The following ABCC5 variants were observed in gnomAD, a reference collection of about 807,000 sequenced individuals.
ABCC5 encodes the protein ATP binding cassette subfamily C member 5.
Under a neutral mutation model 160.9 loss-of-function variants are expected in ABCC5, and 61 were observed. The observed-to-expected ratio is 0.38, with a 90% CI of 0.31 to 0.47. The LOEUF is 0.47. Ranked by LOEUF, ABCC5 falls within the 20% of genes least tolerant of loss-of-function variation. ABCC5 has a pLI of 0.99. For synonymous variants in ABCC5, 666 were observed against 700.6 expected (o/e 0.95, Z 0.78); for missense variants, 1,308 against 1,813.3 (o/e 0.72, Z 5.06).
intron 2 of ABCC5, chr3:184,001,300 T>C (rs1026790048): frequency 1.1e-5 from 5 of 471,450 alleles, no homozygotes; most frequent in Admixed American, 3.5e-5. Context: ...TATATTTCAT[T>C]TAACCCAATG....
At chr3:184,001,227 TG>T in intron 2 of ABCC5, 1 of 536,558 alleles carries the variant, frequency 1.9e-6, no homozygotes, top group Non-Finnish European at 3.4e-6. Flanking sequence ...CACTACAGTC[TG>T]GGTGACAGAG....
intron 29 of ABCC5, among the ~76,000 whole-genome samples, 155 bp downstream of exon 29, chr3:183,925,400 G>A (rs900752858): frequency 1.3e-5 from 2 of 152,158 alleles, no homozygotes; most frequent in African/African-American, 4.8e-5. Flanking sequence ...CTTGTGATTC[G>A]GAGGCTGTAT....
chr3:183,994,221 A>G (rs1720047209), intron 2 of ABCC5, among the ~76,000 whole-genome samples: 1 of 152,178 alleles, frequency 6.6e-6, no homozygotes, highest in South Asian at 2.1e-4. Context: ...TTAACTTTTG[A>G]TAGCACAAGA....
Position 183,987,310 on chromosome 3 carries a change from C to T in ABCC5, c.591+460G>A, listed in dbSNP as rs149931497. 17 of 295,624 alleles carry T rather than the reference C, an allele frequency of 5.8e-5. No homozygotes were observed. The highest frequency in any genetic ancestry group is 5.6e-4 in the East Asian group (8 of 14,236). 18.3% of individuals were successfully genotyped at this position (295,624 alleles called of 1,614,324 possible). A position where few individuals can be genotyped will look rare whatever the true frequency, so the allele number is the denominator to read the frequency against. On this transcript the variant is annotated intron_variant, in intron 5 of 29. Coordinates refer to ENST00000334444, the MANE Select transcript of ABCC5 (RefSeq NM_005688.4). The surrounding 1 kb of genome is among the most constrained non-coding windows in gnomAD (Gnocchi z 4.2). ...ACTCCAGGTCAGACTCTAAAATCCTCGACAGTCCTCTAGTTTTCTCAGGGC... is the reference window on the plus strand; with the variant it reads ...ACTCCAGGTCAGACTCTAAAATCCTTGACAGTCCTCTAGTTTTCTCAGGGC...
At chr3:183,998,906 A>G (rs999871108) in intron 2 of ABCC5, among the ~76,000 whole-genome samples, 1 of 152,058 alleles carries the variant, frequency 6.6e-6, no homozygotes, top group African/African-American at 2.4e-5. Context: ...CCTGGCCAAT[A>G]TGGTGCAACC....
intron 11 of ABCC5, among the ~76,000 whole-genome samples, chr3:183,971,339 T>A (rs1446937595): frequency 6.6e-6 from 1 of 152,220 alleles, no homozygotes; most frequent in African/African-American, 2.4e-5. Context: ...TTCATTTCCT[T>A]GCTTATAAAA....
Position 183,977,616 on chromosome 3 carries a change from T to C in ABCC5, c.1305A>G (p.Thr435=). ...GFDLTAAQAF[T]VVTVFNSMTF... Reference sequence around the variant, plus strand: ...TCATGGAATTGAAGACTGTCACCACTGTGAAAGCCTGAAAATAGGAGAAGA... The same window carrying C: ...TCATGGAATTGAAGACTGTCACCACCGTGAAAGCCTGAAAATAGGAGAAGA... Residue 435 remains threonine (T), a synonymous_variant, in exon 10 of 30, where the codon ACA becomes ACG. Coordinates refer to ENST00000334444, the MANE Select transcript of ABCC5 (RefSeq NM_005688.4). The C allele has an allele frequency of 6.2e-7, 1 of 1,612,878 alleles. No homozygotes were observed. The highest frequency in any genetic ancestry group is 8.5e-7 in the Non-Finnish European group (1 of 1,179,048).
chr3:183,955,576 T>C (rs1715799154), intron 17 of ABCC5, among the ~76,000 whole-genome samples: 2 of 152,260 alleles, frequency 1.3e-5, no homozygotes, highest in African/African-American at 4.8e-5. Flanking sequence ...TTTTCCCTGT[T>C]TTGTTTTTGA....
intron 29 of ABCC5, among the ~76,000 whole-genome samples, chr3:183,923,264 G>A (rs986077976): frequency 6.6e-6 from 1 of 151,934 alleles, no homozygotes; most frequent in Middle Eastern, 3.2e-3. Flanking sequence ...AAGAGTGAAT[G>A]GGCTCCCCAC....
At chr3:183,927,286 A>T in intron 28 of ABCC5, 44 bp downstream of exon 28, 1 of 1,593,856 alleles carries the variant, frequency 6.3e-7, no homozygotes, top group Non-Finnish European at 8.6e-7. Context: ...GGCTGCACTA[A>T]AACATTCCCA....
At chr3:183,967,205 CT>C (rs1717303892) in intron 12 of ABCC5, 1 of 171,672 alleles carries the variant, frequency 5.8e-6, no homozygotes, top group Non-Finnish European at 1.2e-5. Context: ...GGACCATGAA[CT>C]CCCCAAGGGC....
rs35014671 is a variant in ABCC5, at chr3:183,969,691, C to CAAA, written c.1761+1869_1761+1871dup. ...TGGGCAACAGAGCCAGACTCTGTCT[C>CAAA]AAAAAAAAAAAAAAAAAAAAAGTTA... On this transcript the variant is annotated intron_variant, in intron 11 of 29. Coordinates refer to ENST00000334444, the MANE Select transcript of ABCC5 (RefSeq NM_005688.4). 1.5e-3 allele frequency among the ~76,000 whole-genome samples: 103 copies of CAAA among 70,580 alleles called. 2 individuals carry two copies. The highest frequency in any genetic ancestry group is 4.3e-3 in the African/African-American group (97 of 22,460). 46.3% of individuals were successfully genotyped at this position (70,580 alleles called of 152,430 possible).
intron 10 of ABCC5, among the ~76,000 whole-genome samples, chr3:183,976,860 T>C (rs1161290070): frequency 6.6e-6 from 1 of 152,088 alleles, no homozygotes; most frequent in Non-Finnish European, 1.5e-5. Context: ...TGTTAAGTAT[T>C]AACCACTATC....
Position 183,978,508 on chromosome 3 carries a change from C to T in ABCC5, c.1291G>A (p.Ala431Thr), listed in dbSNP as rs1352145542. 1 of 1,613,540 alleles carries T rather than the reference C, an allele frequency of 6.2e-7. No homozygotes were observed. The highest frequency in any genetic ancestry group is 8.5e-7 in the Non-Finnish European group (1 of 1,179,910). The change falls in exon 9 of 30, where the codon GCA (alanine) becomes ACA (threonine). Residue 431 changes from alanine to threonine, a missense_variant. By Grantham distance (58) the Ala-to-Thr change is moderately conservative. Coordinates refer to ENST00000334444, the MANE Select transcript of ABCC5 (RefSeq NM_005688.4). ...HMTLGFDLTA[A>T]QAFTVVTVFN... is the part of the protein sequence containing the mutation. Reference sequence around the variant, plus strand: ...ATCCCTGAGGGTTCCCTGACCTGTGCTGCTGTCAGATCGAAGCCCAGGGTC... The same window carrying T: ...ATCCCTGAGGGTTCCCTGACCTGTGTTGCTGTCAGATCGAAGCCCAGGGTC...
intron 16 of ABCC5, 53 bp downstream of exon 16, chr3:183,961,458 T>C: frequency 1.9e-6 from 3 of 1,599,362 alleles, no homozygotes; most frequent in Non-Finnish European, 2.6e-6. Context: ...ACTCCGGCTG[T>C]GTTTCCCTTG....
intron 10 of ABCC5, 64 bp downstream of exon 10, chr3:183,977,453 A>G: frequency 7.8e-7 from 1 of 1,287,002 alleles, no homozygotes; most frequent in South Asian, 1.3e-5. Flanking sequence ...CCCCTTGAAC[A>G]GAGCCAGCAG....
At position 183,977,612 on chromosome 3, in the gene ABCC5, C is replaced by A; in HGVS notation, c.1309G>T (p.Val437Leu). 1 of 1,613,524 alleles carries A rather than the reference C, an allele frequency of 6.2e-7. No individual in the cohort carries two copies. Among genetic ancestry groups the A allele is most frequent in the Non-Finnish European group, 8.5e-7 (1 of 1,179,538 alleles). The part of the protein sequence containing the change: ...DLTAAQAFTV[V>L]TVFNSMTFAL... ...AAAGTCATGGAATTGAAGACTGTCA[C>A]CACTGTGAAAGCCTGAAAATAGGAG... is the stretch of plus-strand genomic sequence containing the variant. Residue 437 changes from valine to leucine, a missense_variant, in exon 10 of 30, where the codon GTG becomes TTG. Physicochemically the swap from Val to Leu is conservative, Grantham distance 32. Around this residue, in one of 3 missense-constraint regions of ABCC5, gnomAD observed 1,142 missense variants for 1,527.1 expected, o/e 0.75. Transcript: ENST00000334444.
intron 25 of ABCC5, 39 bp from the exon 26 acceptor site, chr3:183,938,099 C>A (rs1465537436): frequency 8.1e-6 from 13 of 1,604,692 alleles, no homozygotes; most frequent in Non-Finnish European, 1.0e-5. Flanking sequence ...GAGCTGTTAG[C>A]AAAGTCTGTG....
chr3:183,951,370 T>C lies in ABCC5; in HGVS notation c.2944+71A>G, dbSNP rs1030162615. ...CTACAGACAGACAGATCTGCACATT[T>C]GGAGAATCATCTAGAAGGCTGGAAG... On this transcript the variant is annotated intron_variant, in intron 20 of 29. Coordinates refer to ENST00000334444, the MANE Select transcript of ABCC5 (RefSeq NM_005688.4). The surrounding 1 kb of genome is among the most constrained non-coding windows in gnomAD (Gnocchi z 4.7). The C allele has an allele frequency of 6.4e-7, 1 of 1,572,860 alleles. No homozygotes were observed. Among genetic ancestry groups the C allele is most frequent in the Non-Finnish European group, 8.6e-7 (1 of 1,158,732 alleles).
Sources: allele counts gnomAD v4.1 joint callset (sites outside exome capture counted in the v4.1 genomes callset), GRCh38; gene constraint gnomAD v4.1.1; regional missense constraint gnomAD v4.1.1; non-coding constraint Gnocchi (gnomAD v3.1); transcripts MANE v1.5; gene names NCBI Gene and HGNC (gene_info 2026-07-23, HGNC 2026-07-21).